TSNARE1: variants seen among roughly 807,000 people sequenced by gnomAD.
The protein encoded by TSNARE1 is t-SNARE domain-containing protein 1.
TSNARE1 carries 49 observed loss-of-function variants against 62.0 expected under a neutral mutation model. The observed-to-expected ratio is 0.79, with a 90% CI of 0.63 to 1.00. The LOEUF is 1.00. TSNARE1 is among the 50% of genes least tolerant of loss of function. TSNARE1 has a pLI of 0.00. For synonymous variants in TSNARE1, 328 were observed against 294.4 expected, an observed-to-expected ratio of 1.11 and a Z score of -1.17; for missense variants, 755 against 700.1, an observed-to-expected ratio of 1.08 and a Z score of -0.88.
At chr8:142,270,793 T>A (rs1819458896) in intron 12 of TSNARE1, 1 of 985,284 alleles carries the variant, frequency 1.0e-6, no homozygotes, top group Non-Finnish European at 1.2e-6. Flanking sequence ...TGCTGCCACA[T>A]GGGGTTGGAG....
intron 12 of TSNARE1, chr8:142,272,723 G>A (rs1270029070): frequency 6.2e-5 from 59 of 954,610 alleles, no homozygotes; most frequent in Middle Eastern, 5.3e-4. Context: ...CTGACACACC[G>A]TGGGGAGGGC....
intron 12 of TSNARE1, among the ~76,000 whole-genome samples, chr8:142,235,811 T>C (rs963289273): frequency 9.2e-5 from 14 of 152,176 alleles, no homozygotes; most frequent in Admixed American, 9.2e-4. Context: ...GCCCTGAGCG[T>C]TTCCTCTGTG....
At chr8:142,316,190 C>G (rs1374693839) in intron 7 of TSNARE1, among the ~76,000 whole-genome samples, 1 of 151,840 alleles carries the variant, frequency 6.6e-6, no homozygotes, top group African/African-American at 2.4e-5. Flanking sequence ...GAATGGAGAA[C>G]AAAGCTACAG....
intron 12 of TSNARE1, among the ~76,000 whole-genome samples, chr8:142,237,369 C>A (rs1468407470): frequency 6.6e-6 from 1 of 152,228 alleles, no homozygotes; most frequent in Non-Finnish European, 1.5e-5. Flanking sequence ...ATGACTGGCA[C>A]ACGGGCGGCT....
chr8:142,276,527 G>A (rs1477322909), intron 11 of TSNARE1: 1 of 985,352 alleles, frequency 1.0e-6, no homozygotes, highest in Admixed American at 6.1e-5. Context: ...TGTGGACAGT[G>A]GAGAGCATTT....
intron 10 of TSNARE1, among the ~76,000 whole-genome samples, chr8:142,285,255 C>T (rs13269599): frequency 3.8e-4 from 46 of 120,426 alleles, no homozygotes; most frequent in Non-Finnish European, 7.1e-4. Flanking sequence ...TGGATGGATG[C>T]GTAGGTGGAT....
chr8:142,293,228 C>G (rs1563845219), intron 10 of TSNARE1, among the ~76,000 whole-genome samples: 1 of 152,236 alleles, frequency 6.6e-6, no homozygotes, highest in African/African-American at 2.4e-5. Flanking sequence ...GTACAGTGAG[C>G]TGCTGAGCCA....
At chr8:142,222,950 A>T (rs1816487013) in intron 13 of TSNARE1, among the ~76,000 whole-genome samples, 4 of 151,088 alleles carry the variant, frequency 2.6e-5, no homozygotes, top group Admixed American at 2.6e-4. Context: ...TCACTCACTC[A>T]TCCACTCACT....
At chr8:142,305,373 T>C (rs1366958104) in intron 9 of TSNARE1, among the ~76,000 whole-genome samples, 1 of 151,750 alleles carries the variant, frequency 6.6e-6, no homozygotes, top group South Asian at 2.1e-4. Context: ...GCAAACGGGG[T>C]TCCGTGTGGA....
chr8:142,274,132 C>A (rs774162340), intron 12 of TSNARE1: 184 of 985,338 alleles, frequency 1.9e-4, no homozygotes, highest in Non-Finnish European at 2.0e-4. Context: ...GAGGAACAGG[C>A]TCTGGTCATC....
chr8:142,335,489 T>C (rs928887243), intron 4 of TSNARE1, among the ~76,000 whole-genome samples: 1 of 151,848 alleles, frequency 6.6e-6, no homozygotes, highest in African/African-American at 2.4e-5. Flanking sequence ...AAGTTAAAGA[T>C]CTATGCTGTA....
Position 142,351,201 on chromosome 8 carries a change from G to A in TSNARE1, c.88+3436C>T, listed in dbSNP as rs11985246. ...GCCAAGGTACACCAGGGGCTGTGACGCGTCTGAGTCTACTTTGATGTGTTT... is the reference window on the plus strand; with the variant it reads ...GCCAAGGTACACCAGGGGCTGTGACACGTCTGAGTCTACTTTGATGTGTTT... On this transcript the variant is annotated intron_variant, in intron 2 of 13. Coordinates refer to ENST00000524325, the MANE Select transcript of TSNARE1 (RefSeq NM_145003.5). Among the ~76,000 whole-genome samples, 917 of 152,328 alleles carry A rather than the reference G, an allele frequency of 6.0e-3. 10 individuals are homozygous for A. Among genetic ancestry groups the A allele is most frequent in the African/African-American group, 0.021 (859 of 41,572 alleles).
At chr8:142,276,206 G>C in intron 11 of TSNARE1, 1 of 985,464 alleles carries the variant, frequency 1.0e-6, no homozygotes, top group Non-Finnish European at 1.2e-6. Flanking sequence ...GAGCGGGTAT[G>C]GGTGACGGCC....
chr8:142,214,504 C>T (rs1815737103), intron 13 of TSNARE1, among the ~76,000 whole-genome samples: 1 of 152,188 alleles, frequency 6.6e-6, no homozygotes, highest in Admixed American at 6.5e-5. Flanking sequence ...GCCCAGAACT[C>T]TGGGCTCTGC....
At chr8:142,396,568 A>G (rs1837910229) in intron 1 of TSNARE1, among the ~76,000 whole-genome samples, 1 of 152,226 alleles carries the variant, frequency 6.6e-6, no homozygotes, top group Non-Finnish European at 1.5e-5. Context: ...CTAACTCAAC[A>G]GGGAATTTTT....
chr8:142,266,749 A>G (rs1158607326), intron 12 of TSNARE1, among the ~76,000 whole-genome samples: 1 of 152,020 alleles, frequency 6.6e-6, no homozygotes, highest in Admixed American at 6.6e-5. Flanking sequence ...CATCACATCA[A>G]CGACCTCTTC....
At chr8:142,295,388 C>A (rs905352793) in intron 10 of TSNARE1, among the ~76,000 whole-genome samples, 1 of 152,222 alleles carries the variant, frequency 6.6e-6, no homozygotes, top group Non-Finnish European at 1.5e-5. Flanking sequence ...CTGGAGGGAG[C>A]TTGTGCACTG....
intron 10 of TSNARE1, among the ~76,000 whole-genome samples, chr8:142,295,248 T>C (rs1171943051): frequency 1.3e-5 from 2 of 152,126 alleles, no homozygotes; most frequent in Admixed American, 1.3e-4. Flanking sequence ...CAGCCCCAGG[T>C]GAAAAGTTCA....
chr8:142,355,084 C>T (rs1834619192), intron 1 of TSNARE1, among the ~76,000 whole-genome samples: 1 of 152,214 alleles, frequency 6.6e-6, no homozygotes, highest in Admixed American at 6.5e-5. Flanking sequence ...CAACCCCCAC[C>T]GCCAGCCTCC....
Sources: gnomAD v4.1 joint callset for allele counts (sites outside exome capture counted in the v4.1 genomes callset) on GRCh38, gnomAD v4.1.1 for gene constraint, MANE v1.5 for transcripts, NCBI Gene and HGNC (gene_info 2026-07-23, HGNC 2026-07-21) for gene names.